RNU2-2: variants seen among roughly 807,000 people sequenced by gnomAD.
RNU2-2 encodes the protein RNA, U2 small nuclear 2, pseudogene.
chr11:62,841,733 GATAGAGGA>G, the RNU2-2 span: 2 of 152,128 alleles, frequency 1.3e-5, no homozygotes, highest in Non-Finnish European at 2.9e-5. Context: ...ATTGTCCTCG[GATAGAGGA>G]CGTATCAGAT....
chr11:62,841,809 T>C, the RNU2-2 span: 4 of 152,374 alleles, frequency 2.6e-5, no homozygotes, highest in South Asian at 2.1e-4. Context: ...CGAGAAGCGA[T>C]ACCTTTACTT....
At chr11:62,841,746 T>TG in the RNU2-2 span, 2 of 152,330 alleles carry the variant, frequency 1.3e-5, no homozygotes, top group South Asian at 2.1e-4. Flanking sequence ...AGAGGACGTA[T>TG]CAGATATTAA....
At chr11:62,841,648 A>T in the RNU2-2 span, 2 of 152,240 alleles carry the variant, frequency 1.3e-5, no homozygotes, top group Admixed American at 1.3e-4. Flanking sequence ...GAAGTACTGC[A>T]ATACCAGGTC....
the RNU2-2 span, chr11:62,841,695 C>CTCCTA: frequency 6.6e-6 from 1 of 152,222 alleles, no homozygotes; most frequent in Non-Finnish European, 1.5e-5. Context: ...CCTATTCCAT[C>CTCCTA]TCCTATTTCC....
At chr11:62,841,730 T>TG in the RNU2-2 span, 1 of 152,210 alleles carries the variant, frequency 6.6e-6, no homozygotes, top group African/African-American at 2.4e-5. Context: ...TATATTGTCC[T>TG]CGGATAGAGG....
the RNU2-2 span, chr11:62,841,719 A>G: frequency 6.6e-6 from 1 of 152,210 alleles, no homozygotes; most frequent in South Asian, 2.1e-4. Context: ...AATCCATTTA[A>G]TATATTGTCC....
the RNU2-2 span, chr11:62,841,739 G>C: frequency 1.1e-4 from 17 of 152,144 alleles, no homozygotes; most frequent in South Asian, 4.1e-4. Flanking sequence ...CTCGGATAGA[G>C]GACGTATCAG....
At chr11:62,841,659 G>C in the RNU2-2 span, 2 of 152,214 alleles carry the variant, frequency 1.3e-5, no homozygotes, top group Non-Finnish European at 2.9e-5. Flanking sequence ...ATACCAGGTC[G>C]ATGCGTGGAG....
the RNU2-2 span, chr11:62,841,691 CCATCTCCTATTT>C: frequency 2.6e-5 from 4 of 152,296 alleles, no homozygotes; most frequent in South Asian, 4.1e-4. Context: ...AGCTCCTATT[CCATCTCCTATTT>C]CCAAAAATCC....
the RNU2-2 span, chr11:62,841,785 C>G: frequency 6.6e-6 from 1 of 152,202 alleles, no homozygotes; most frequent in Non-Finnish European, 1.5e-5. Context: ...TACACTTGAT[C>G]TTAGCCAAAA....
the RNU2-2 span, chr11:62,841,638 G>T: frequency 6.6e-6 from 1 of 152,208 alleles, no homozygotes; most frequent in Non-Finnish European, 1.5e-5. Flanking sequence ...ACCGTTCCTG[G>T]AAGTACTGCA....
At chr11:62,841,770 G>A in the RNU2-2 span, 8 of 152,342 alleles carry the variant, frequency 5.3e-5, no homozygotes, top group South Asian at 2.1e-4. Context: ...GATAAGAACA[G>A]ATACTACACT....
the RNU2-2 span, chr11:62,841,790 C>T: frequency 8.5e-5 from 13 of 152,326 alleles, no homozygotes; most frequent in East Asian, 1.9e-4. Flanking sequence ...TTGATCTTAG[C>T]CAAAAGGCCG....
chr11:62,841,713 C>G, the RNU2-2 span: 1 of 152,168 alleles, frequency 6.6e-6, no homozygotes, highest in Non-Finnish European at 1.5e-5. Flanking sequence ...TCCAAAAATC[C>G]ATTTAATATA....
At chr11:62,841,645 T>G in the RNU2-2 span, 1 of 152,264 alleles carries the variant, frequency 6.6e-6, no homozygotes. Context: ...CTGGAAGTAC[T>G]GCAATACCAG....
At chr11:62,841,649 A>T in the RNU2-2 span, 1 of 152,238 alleles carries the variant, frequency 6.6e-6, no homozygotes, top group Non-Finnish European at 1.5e-5. Context: ...AAGTACTGCA[A>T]TACCAGGTCG....
chr11:62,841,752 A>C, the RNU2-2 span: 1 of 152,224 alleles, frequency 6.6e-6, no homozygotes, highest in Non-Finnish European at 1.5e-5. Context: ...CGTATCAGAT[A>C]TTAAACTGAT....
the RNU2-2 span, chr11:62,841,758 C>T: frequency 3.9e-5 from 6 of 152,328 alleles, no homozygotes; most frequent in African/African-American, 7.2e-5. Flanking sequence ...AGATATTAAA[C>T]TGATAAGAAC....
chr11:62,841,697 C>A, the RNU2-2 span: 2 of 152,208 alleles, frequency 1.3e-5, no homozygotes, highest in African/African-American at 2.4e-5. Context: ...TATTCCATCT[C>A]CTATTTCCAA....
Sources: gnomAD v4.1 joint callset for allele counts on GRCh38, gnomAD v4.1.1 for gene constraint, MANE v1.5 for transcripts, NCBI Gene and HGNC (gene_info 2026-07-23, HGNC 2026-07-21) for gene names.